The following LIN52 variants were observed in gnomAD, a reference collection of about 807,000 sequenced individuals.
LIN52 encodes lin-52 DREAM MuvB core complex component, also known as protein lin-52 homolog.
Under a neutral mutation model 18.5 loss-of-function variants are expected in LIN52, and 4 were observed. That is an observed-to-expected ratio of 0.22 (90% CI 0.11 to 0.49). The LOEUF is 0.49. Among genes scored for constraint, LIN52 ranks in the 20% least tolerant of loss-of-function variants. The pLI is 0.97. For missense variants in LIN52, 102 were observed against 139.5 expected (o/e 0.73, Z 1.35); for synonymous variants, 34 against 45.5 (o/e 0.75, Z 1.02).
intron 1 of LIN52, among the ~76,000 whole-genome samples, chr14:74,089,975 C>CTGTG (rs911480321): frequency 5.3e-5 from 8 of 151,008 alleles, no homozygotes; most frequent in African/African-American, 1.9e-4. Context: ...GGGTGGGTGC[C>CTGTG]TGTGACTCCC....
At chr14:74,126,770 G>A (rs928710955) in intron 5 of LIN52, among the ~76,000 whole-genome samples, 5 of 152,172 alleles carry the variant, frequency 3.3e-5, no homozygotes, top group African/African-American at 7.2e-5. Context: ...ATGGATTTGG[G>A]ATTTTTGTGG....
intron 5 of LIN52, among the ~76,000 whole-genome samples, chr14:74,109,986 G>A (rs2060917139): frequency 6.6e-6 from 1 of 152,176 alleles, no homozygotes; most frequent in Non-Finnish European, 1.5e-5. Context: ...CCAGTACAGT[G>A]TTGAATAGAC....
intron 3 of LIN52, 104 bp from the exon 4 acceptor site, chr14:74,097,690 A>C (rs1595148412): frequency 1.8e-5 from 14 of 777,350 alleles, no homozygotes; most frequent in Non-Finnish European, 2.7e-5. Context: ...TAATCCGCCC[A>C]CCTTGGCAGC....
chr14:74,112,006 G>C (rs531982263), intron 5 of LIN52, among the ~76,000 whole-genome samples: 1 of 151,648 alleles, frequency 6.6e-6, no homozygotes, highest in Non-Finnish European at 1.5e-5. Context: ...TCAGCCTCCC[G>C]AGTAACTGGG....
Position 74,085,002 on chromosome 14 carries a change from C to G in LIN52, c.19+9C>G. ...GGCGTCTCCCACAGACGGTAAGAGC[C>G]GGCTTAGAGATCTTTGCCTGCAGCC... On this transcript the variant is annotated intron_variant, in intron 1 of 5. Coordinates refer to ENST00000555028, the MANE Select transcript of LIN52 (RefSeq NM_001024674.3). 2.9e-6 allele frequency: 4 copies of G among 1,399,784 alleles called. No homozygotes were observed. Among genetic ancestry groups the G allele is most frequent in the South Asian group, 3.6e-5 (2 of 55,260 alleles). 86.7% of individuals were successfully genotyped at this position (1,399,784 alleles called of 1,614,324 possible). A position where few individuals can be genotyped will look rare whatever the true frequency, so the allele number is the denominator to read the frequency against.
chr14:74,095,921 T>A, intron 2 of LIN52, 27 bp from the exon 3 acceptor site: 1 of 1,536,254 alleles, frequency 6.5e-7, no homozygotes, highest in Non-Finnish European at 9.0e-7. Context: ...ACTTATTGAA[T>A]AAATAAAGTT....
At chr14:74,130,278 G>GTTTGTTTTTCTTTTTT (rs1555382571) in intron 5 of LIN52, among the ~76,000 whole-genome samples, 1 of 64,842 alleles carries the variant, frequency 1.5e-5, no homozygotes, top group Non-Finnish European at 2.8e-5. Flanking sequence ...GCATTTTTTG[G>GTTTGTTTTTCTTTTTT]TTTTTTTTTT....
chr14:74,133,649 G>A (rs1053873502), intron 5 of LIN52, among the ~76,000 whole-genome samples: 6 of 152,188 alleles, frequency 3.9e-5, no homozygotes, highest in African/African-American at 1.4e-4. Flanking sequence ...GTTGAAAAGA[G>A]ATCAAATGAA....
chr14:74,136,772 C>T (rs905560138), intron 5 of LIN52, among the ~76,000 whole-genome samples: 3 of 152,142 alleles, frequency 2.0e-5, no homozygotes, highest in African/African-American at 7.2e-5. Context: ...GATTCAATCA[C>T]ATGTCTCCAG....
intron 5 of LIN52, among the ~76,000 whole-genome samples, chr14:74,106,390 C>T (rs1021373376): frequency 3.9e-5 from 6 of 152,142 alleles, no homozygotes; most frequent in Admixed American, 1.3e-4. Flanking sequence ...CCACCTCAGC[C>T]TCCCAAGTAG....
chr14:74,192,698 A>G (rs1321152134), intron 5 of LIN52: 5 of 264,684 alleles, frequency 1.9e-5, no homozygotes, highest in African/African-American at 9.2e-5. Context: ...GTTGTGAACA[A>G]CAGTATATCA....
At chr14:74,099,524 C>T (rs1566846162) in intron 4 of LIN52, among the ~76,000 whole-genome samples, 2 of 151,978 alleles carry the variant, frequency 1.3e-5, no homozygotes, top group South Asian at 2.1e-4. Context: ...TGTCTTAAAC[C>T]TAAAAGGAAT....
chr14:74,195,963 T>C (rs1472436697), intron 5 of LIN52, among the ~76,000 whole-genome samples: 1 of 152,210 alleles, frequency 6.6e-6, no homozygotes, highest in African/African-American at 2.4e-5. Context: ...AATTTCTCTG[T>C]GCACAAAAAG....
At chr14:74,140,039 ATAGCTT>A (rs2061121127) in intron 5 of LIN52, among the ~76,000 whole-genome samples, 1 of 151,630 alleles carries the variant, frequency 6.6e-6, no homozygotes, top group African/African-American at 2.4e-5. Context: ...TAAAGCCACA[ATAGCTT>A]TATTACTAAT....
chr14:74,140,943 C>A (rs2061127169), intron 5 of LIN52, among the ~76,000 whole-genome samples: 1 of 151,992 alleles, frequency 6.6e-6, no homozygotes, highest in Non-Finnish European at 1.5e-5. Context: ...TCTCTTCTGT[C>A]CCCCATGGAA....
chr14:74,110,669 C>CAA (rs1042889254), intron 5 of LIN52, among the ~76,000 whole-genome samples: 3 of 136,814 alleles, frequency 2.2e-5, no homozygotes, highest in Non-Finnish European at 4.7e-5. Flanking sequence ...GACTCCATCT[C>CAA]AAAAAAAAAA....
chr14:74,144,444 C>CCTGGG (rs1291891308), intron 5 of LIN52, among the ~76,000 whole-genome samples: 1 of 152,042 alleles, frequency 6.6e-6, no homozygotes, highest in African/African-American at 2.4e-5. Context: ...ATTTTTAAAC[C>CCTGGG]ATCACATTAT....
chr14:74,088,176 C>T (rs1430677989), intron 1 of LIN52, among the ~76,000 whole-genome samples: 1 of 152,068 alleles, frequency 6.6e-6, no homozygotes, highest in African/African-American at 2.4e-5. Context: ...CTGCAACCTC[C>T]GCCTCCTGGG....
intron 5 of LIN52, chr14:74,114,105 C>T (rs2060948057): frequency 1.0e-6 from 1 of 981,466 alleles, no homozygotes; most frequent in South Asian, 4.7e-5. Flanking sequence ...CTCAGCTTCC[C>T]AAGTAGCTGG....
Sources: allele counts gnomAD v4.1 joint callset (sites outside exome capture counted in the v4.1 genomes callset), GRCh38; gene constraint gnomAD v4.1.1; transcripts MANE v1.5; gene names NCBI Gene and HGNC (gene_info 2026-07-23, HGNC 2026-07-21).